The following SPNS2 variants were observed in gnomAD, a reference collection of about 807,000 sequenced individuals.
The protein encoded by SPNS2 is SPNS lysolipid transporter 2, sphingosine-1-phosphate.
Under a neutral mutation model 57.6 loss-of-function variants are expected in SPNS2, and 37 were observed. That is an observed-to-expected ratio of 0.64 (90% CI 0.49 to 0.85). The LOEUF (loss-of-function observed/expected upper bound fraction) is 0.85, where lower values mean the gene tolerates loss of function less well. Among genes scored for constraint, SPNS2 ranks in the 40% least tolerant of loss-of-function variants. The probability of loss-of-function intolerance (pLI) is 0.00; values close to 1 mark genes in which losing one functional copy is unlikely to be tolerated. For synonymous variants in SPNS2, 440 were observed against 346.9 expected (o/e 1.27, Z -2.98); for missense variants, 831 against 779.1 (o/e 1.07, Z -0.79).
At chr17:4,509,878 T>G (rs1228976218) in intron 1 of SPNS2, among the ~76,000 whole-genome samples, 2 of 152,214 alleles carry the variant, frequency 1.3e-5, no homozygotes, top group African/African-American at 4.8e-5. Flanking sequence ...AACCCCACTT[T>G]GCATGCACGC....
In SPNS2 at chr17:4,536,264, T is replaced by C; in HGVS notation, c.1445T>C (p.Ile482Thr). ...DAGSPYLIGF[I>T]SDLIRQSTKD... ...ACATCCACCCCCAAATCCTCGCAGA[T>C]CTCAGACCTGATCCGCCAGAGCACT... Residue 482 changes from isoleucine to threonine, a missense_variant and splice_region_variant, in exon 11 of 13, where the codon ATC (isoleucine) becomes ACC (threonine). Physicochemically the swap from Ile to Thr is moderately conservative, Grantham distance 89 (BLOSUM62 -1). This residue lies in a region of SPNS2 where 526 missense variants were observed against 400.9 expected (regional missense o/e 1.31). Coordinates refer to ENST00000329078, the MANE Select transcript of SPNS2 (RefSeq NM_001124758.3). The C allele has an allele frequency of 6.2e-7, 1 of 1,612,104 alleles. No individual in the cohort carries two copies. The highest frequency in any genetic ancestry group is 8.5e-7 in the Non-Finnish European group (1 of 1,179,782).
chr17:4,530,634 C>T lies in SPNS2; in HGVS notation c.576C>T (p.Tyr192=), dbSNP rs188355057. The T allele has an allele frequency of 1.6e-4, 264 of 1,611,590 alleles. No homozygotes were observed. The East Asian group carries it at 5.2e-3, about 32-fold the overall frequency. The stretch of plus-strand genomic sequence containing the variant: ...GCATCCTCCACCCCTCCTCACAGTA[C>T]TTCTGGCTGCTGGTCCTGTCCCGGG... The part of the protein sequence containing the change: ...TFSSSFIPQQ[Y]FWLLVLSRGL... Residue 192 remains tyrosine (Y), a splice_region_variant and synonymous_variant, in exon 4 of 13, where the codon TAC becomes TAT. Coordinates refer to ENST00000329078, the MANE Select transcript of SPNS2 (RefSeq NM_001124758.3).
intron 5 of SPNS2, among the ~76,000 whole-genome samples, chr17:4,531,750 A>T (rs111684233): frequency 6.6e-6 from 1 of 151,804 alleles, no homozygotes; most frequent in South Asian, 2.1e-4. Context: ...AGGGGCTCCC[A>T]GTCCCGGGGG....
In SPNS2 at chr17:4,499,245, G is replaced by C; in HGVS notation, c.198G>C (p.Arg66=). Reference sequence around the variant, plus strand: ...AGACGCTGTCGGGCAGCGTAAGGCGGGCCCCGACCGGACCCCCCGGCACCC... The same window carrying C: ...AGACGCTGTCGGGCAGCGTAAGGCGCGCCCCGACCGGACCCCCCGGCACCC... ...EVQTLSGSVR[R]APTGPPGTPG... is the part of the protein sequence containing the mutation. The change falls in exon 1 of 13, where the codon CGG becomes CGC. Residue 66 remains arginine (R), a synonymous_variant. Coordinates refer to ENST00000329078, the MANE Select transcript of SPNS2 (RefSeq NM_001124758.3). This position sits in a 1 kb window ranked among gnomAD's most constrained non-coding sequence, Gnocchi z 5.2. 1 of 1,469,184 alleles carries C rather than the reference G, an allele frequency of 6.8e-7. No individual in the cohort carries two copies. Among genetic ancestry groups the C allele is most frequent in the Non-Finnish European group, 8.9e-7 (1 of 1,117,624 alleles). The allele number at this position is 1,469,184 out of a possible 1,614,324, so 91.0% of individuals were successfully genotyped here. A position where few individuals can be genotyped will look rare whatever the true frequency, so the allele number is the denominator to read the frequency against.
intron 3 of SPNS2, among the ~76,000 whole-genome samples, chr17:4,529,994 C>G (rs1014052882): frequency 1.6e-4 from 24 of 152,198 alleles, no homozygotes; most frequent in Non-Finnish European, 5.9e-5. Context: ...GCTGGGTTCT[C>G]AGGCCCCGGG....
At chr17:4,513,956 C>T (rs11656838) in intron 2 of SPNS2, among the ~76,000 whole-genome samples, 33,505 of 152,092 alleles carry the variant, frequency 0.22, 3,976 homozygotes, top group South Asian at 0.39. Context: ...GAAGCTGGGC[C>T]GGGACAGTGT....
In SPNS2 at chr17:4,536,440, AG is replaced by A; in HGVS notation, c.1607+18del. The A allele has an allele frequency of 7.1e-7, 1 of 1,398,928 alleles. No individual in the cohort carries two copies. Among genetic ancestry groups the A allele is most frequent in the South Asian group, 1.2e-5 (1 of 82,614 alleles). The allele number at this position is 1,398,928 out of a possible 1,614,324, so 86.7% of individuals were successfully genotyped here. A position where few individuals can be genotyped will look rare whatever the true frequency, so the allele number is the denominator to read the frequency against. Reference sequence around the variant, plus strand: ...GGCTGAGCAGCAGTGAGTGGGGGGGAGGGGAGGCCCTGCTGCACCGCCGGGA... The same window carrying A: ...GGCTGAGCAGCAGTGAGTGGGGGGGAGGGAGGCCCTGCTGCACCGCCGGGA... On this transcript the variant is annotated intron_variant, in intron 11 of 12. Coordinates refer to ENST00000329078, the MANE Select transcript of SPNS2 (RefSeq NM_001124758.3).
At position 4,499,391 on chromosome 17, in the gene SPNS2, A is replaced by G; in HGVS notation, c.344A>G (p.Asn115Ser). Residue 115 changes from asparagine (N) to serine (S), a missense_variant, in exon 1 of 13, where the codon AAC becomes AGC. Transcript: ENST00000329078. The surrounding 1 kb of genome is among the most constrained non-coding windows in gnomAD (Gnocchi z 5.2). Reference sequence around the variant, plus strand: ...ATCCTCAGCTTGGGCAACGTGCTCAACTACCTGGACAGGTACACCGTGGCA... The same window carrying G: ...ATCCTCAGCTTGGGCAACGTGCTCAGCTACCTGGACAGGTACACCGTGGCA... ...AAILSLGNVL[N>S]YLDRYTVAGV... The G allele has an allele frequency of 7.2e-7, 1 of 1,385,682 alleles. No homozygotes were observed. The highest frequency in any genetic ancestry group is 9.3e-7 in the Non-Finnish European group (1 of 1,070,254). The allele number at this position is 1,385,682 out of a possible 1,614,324, so 85.8% of individuals were successfully genotyped here. A position where few individuals can be genotyped will look rare whatever the true frequency, so the allele number is the denominator to read the frequency against.
chr17:4,516,331 A>ACC (rs1567590028), intron 2 of SPNS2, among the ~76,000 whole-genome samples: 3 of 113,588 alleles, frequency 2.6e-5, no homozygotes, highest in Middle Eastern at 8.5e-3. Context: ...AAAAAAAAAA[A>ACC]AAAAAAAAAA....
chr17:4,513,230 C>T lies in SPNS2; in HGVS notation c.371-17C>T. Reference sequence around the variant, plus strand: ...CCATCAGACTCGGCCAGTGAGCACCCTCTGTCTTCCCTCCAGGCGTCCTTC... The same window carrying T: ...CCATCAGACTCGGCCAGTGAGCACCTTCTGTCTTCCCTCCAGGCGTCCTTC... On this transcript the variant is annotated splice_polypyrimidine_tract_variant and intron_variant, in intron 1 of 12. Coordinates refer to ENST00000329078, the MANE Select transcript of SPNS2 (RefSeq NM_001124758.3). 6.2e-7 allele frequency: 1 copy of T among 1,613,650 alleles called. No homozygotes were observed. Among genetic ancestry groups the T allele is most frequent in the Non-Finnish European group, 8.5e-7 (1 of 1,179,542 alleles).
chr17:4,502,880 G>T (rs1021705545), intron 1 of SPNS2, among the ~76,000 whole-genome samples: 3 of 152,130 alleles, frequency 2.0e-5, no homozygotes, highest in Non-Finnish European at 4.4e-5. Context: ...CACAGGGCTG[G>T]TCTCCATCCT....
At chr17:4,514,348 C>G (rs533199194) in intron 2 of SPNS2, among the ~76,000 whole-genome samples, 1 of 152,180 alleles carries the variant, frequency 6.6e-6, no homozygotes, top group African/African-American at 2.4e-5. Flanking sequence ...AACCCCTTCC[C>G]CTGCCTGGGC....
intron 2 of SPNS2, among the ~76,000 whole-genome samples, chr17:4,516,399 T>C (rs1397117921): frequency 1.3e-5 from 2 of 149,604 alleles, no homozygotes; most frequent in African/African-American, 5.0e-5. Context: ...CCCCATGGCC[T>C]ACACCTAGAG....
chr17:4,537,095 A>C, intron 12 of SPNS2, 149 bp downstream of exon 12: 1 of 868,660 alleles, frequency 1.2e-6, no homozygotes, highest in Non-Finnish European at 1.8e-6. Context: ...TGTTGCCAGA[A>C]TTTACTGATG....
Position 4,531,036 on chromosome 17 carries a change from G to C in SPNS2, c.726-17G>C. The C allele has an allele frequency of 6.2e-7, 1 of 1,613,746 alleles. No individual in the cohort carries two copies. Among genetic ancestry groups the C allele is most frequent in the Non-Finnish European group, 8.5e-7 (1 of 1,179,920 alleles). On this transcript the variant is annotated splice_polypyrimidine_tract_variant and intron_variant, in intron 4 of 12. Transcript: ENST00000329078. Reference sequence around the variant, plus strand: ...CCCCTGTCTCTGCTCAGCCTGACGTGTGTCTCTTCTCTGCAGTGGCCTGGG... The same window carrying C: ...CCCCTGTCTCTGCTCAGCCTGACGTCTGTCTCTTCTCTGCAGTGGCCTGGG...
At position 4,533,348 on chromosome 17, in the gene SPNS2, G is replaced by A. The variant is rs777914841; in HGVS notation, c.1194G>A (p.Leu398=). ...CRLKTQRADP[L]VCAVGMLGSA... is the part of the protein sequence containing the mutation. ...TGAAGACCCAGCGGGCCGACCCACT[G>A]GTGTGTGCCGTGGGCATGCTGGGCT... Residue 398 remains leucine (L), a synonymous_variant, in exon 8 of 13, where the codon CTG becomes CTA. Transcript: ENST00000329078. 6.2e-7 allele frequency: 1 copy of A among 1,611,968 alleles called. No homozygotes were observed. The highest frequency in any genetic ancestry group is 8.5e-7 in the Non-Finnish European group (1 of 1,179,728).
rs373787841 is a variant in SPNS2 at position 4,532,681 on chromosome 17, G to A, written c.932G>A (p.Arg311Gln). 170 of 1,613,586 alleles carry A rather than the reference G, an allele frequency of 1.1e-4. 1 individual carries two copies. In the South Asian group the frequency reaches 1.2e-3, roughly 12 times the overall value. Residue 311 changes from arginine (R) to glutamine (Q), a missense_variant, in exon 6 of 13, where the codon CGA (arginine) becomes CAA (glutamine). Coordinates refer to ENST00000329078, the MANE Select transcript of SPNS2 (RefSeq NM_001124758.3). ...SWLRDMKALI[R>Q]NRSYVFSSLA... Reference sequence around the variant, plus strand: ...CTCCGAGATATGAAGGCCCTGATTCGAAAGTGAGTACCGCGGGAAGGGGTC... The same window carrying A: ...CTCCGAGATATGAAGGCCCTGATTCAAAAGTGAGTACCGCGGGAAGGGGTC...
chr17:4,520,450 C>T (rs376124121), intron 2 of SPNS2, among the ~76,000 whole-genome samples: 56 of 152,204 alleles, frequency 3.7e-4, no homozygotes, highest in African/African-American at 9.4e-4. Context: ...GTCACCCCCC[C>T]GGGAGGGGGC....
In SPNS2 at chr17:4,533,676, G is replaced by C. The variant is rs905434998; in HGVS notation, c.1279-112G>C. 1.4e-5 allele frequency: 17 copies of C among 1,255,052 alleles called. No homozygotes were observed. In the South Asian group the frequency reaches 1.5e-4, roughly 11 times the overall value. 77.7% of individuals were successfully genotyped at this position (1,255,052 alleles called of 1,614,324 possible). A position where few individuals can be genotyped will look rare whatever the true frequency, so the allele number is the denominator to read the frequency against. Reference sequence around the variant, plus strand: ...CCCATGAATGGATGTGGGCCCGGGAGGGGTGTGAGGTTTTGTGGGCTCCCT... The same window carrying C: ...CCCATGAATGGATGTGGGCCCGGGACGGGTGTGAGGTTTTGTGGGCTCCCT... On this transcript the variant is annotated intron_variant, in intron 8 of 12. Transcript: ENST00000329078.
Sources: allele counts gnomAD v4.1 joint callset (sites outside exome capture counted in the v4.1 genomes callset), GRCh38; gene constraint gnomAD v4.1.1; regional missense constraint gnomAD v4.1.1; non-coding constraint Gnocchi (gnomAD v3.1); transcripts MANE v1.5; gene names NCBI Gene and HGNC (gene_info 2026-07-23, HGNC 2026-07-21).